Variants in NRXN3 observed in about 807,000 individuals in gnomAD.
The protein encoded by NRXN3 is neurexin III.
Under a neutral mutation model 137.6 loss-of-function variants are expected in NRXN3, and 32 were observed. The observed-to-expected ratio is 0.23, with a 90% CI of 0.18 to 0.31. The LOEUF (loss-of-function observed/expected upper bound fraction) is 0.31. NRXN3 is among the 10% of genes least tolerant of loss of function. The probability of loss-of-function intolerance (pLI) is 1.00; values close to 1 mark genes in which losing one functional copy is unlikely to be tolerated. For missense variants in NRXN3, 1,574 were observed against 2,062.5 expected (o/e 0.76, Z 4.59); for synonymous variants, 798 against 784.5 (o/e 1.02, Z -0.29).
At chr14:79,505,598 G>A (rs2096870601) in intron 16 of NRXN3, among the ~76,000 whole-genome samples, 1 of 152,168 alleles carries the variant, frequency 6.6e-6, no homozygotes, top group Admixed American at 6.5e-5. Flanking sequence ...AGAGGAAATG[G>A]TTATACTGGA....
intron 15 of NRXN3, among the ~76,000 whole-genome samples, chr14:79,105,229 C>T (rs1189963698): frequency 6.6e-6 from 1 of 152,036 alleles, no homozygotes; most frequent in Non-Finnish European, 1.5e-5. Flanking sequence ...TCAATAGTAT[C>T]GTTTTCATTT....
chr14:79,515,507 A>G (rs1477993111), intron 16 of NRXN3, among the ~76,000 whole-genome samples: 2 of 150,136 alleles, frequency 1.3e-5, no homozygotes, highest in South Asian at 2.1e-4. Context: ...GGCGACTAGA[A>G]CTTTAGCAAA....
chr14:79,141,158 G>C (rs2058751336), intron 15 of NRXN3, among the ~76,000 whole-genome samples: 2 of 152,156 alleles, frequency 1.3e-5, no homozygotes, highest in African/African-American at 2.4e-5. Context: ...GTTGGGCGTA[G>C]TAATAAATGA....
chr14:79,103,901 A>G (rs2051840139), intron 15 of NRXN3, among the ~76,000 whole-genome samples: 2 of 152,178 alleles, frequency 1.3e-5, no homozygotes, highest in South Asian at 4.1e-4. Context: ...ACCAACACAC[A>G]TGTGCAAATC....
At chr14:78,923,558 G>T (rs1278328868) in intron 10 of NRXN3, among the ~76,000 whole-genome samples, 3 of 152,188 alleles carry the variant, frequency 2.0e-5, no homozygotes, top group Non-Finnish European at 4.4e-5. Context: ...GGTTCACAAA[G>T]ATGCCATTCT....
chr14:78,202,294 A>G (rs1420597020), intron 1 of NRXN3, among the ~76,000 whole-genome samples: 1 of 152,240 alleles, frequency 6.6e-6, no homozygotes, highest in Non-Finnish European at 1.5e-5. Context: ...CAGAATTTTT[A>G]AAGTAAAAAG....
chr14:78,622,008 A>G (rs1480435453), intron 4 of NRXN3, among the ~76,000 whole-genome samples: 1 of 152,160 alleles, frequency 6.6e-6, no homozygotes. Context: ...TATGCTTACT[A>G]CCTGTTAGTG....
At chr14:78,514,651 C>T (rs1238956202) in intron 4 of NRXN3, among the ~76,000 whole-genome samples, 3 of 152,092 alleles carry the variant, frequency 2.0e-5, no homozygotes, top group African/African-American at 7.2e-5. Context: ...AAGGTTCTTT[C>T]CCTCATGCTG....
chr14:78,776,026 A>G lies in NRXN3; in HGVS notation c.2045-27594A>G, dbSNP rs150535001. Among the ~76,000 whole-genome samples the G allele has an allele frequency of 2.2e-3, 336 of 152,360 alleles. 2 individuals carry two copies. The highest frequency in any genetic ancestry group is 7.7e-3 in the African/African-American group (320 of 41,590). ...TGTGTTAACCTTTGGGGATTCACCAAGAACCAATGTTATATATGATCCAAG... is the reference window on the plus strand; with the variant it reads ...TGTGTTAACCTTTGGGGATTCACCAGGAACCAATGTTATATATGATCCAAG... On this transcript the variant is annotated intron_variant, in intron 8 of 20. Transcript: ENST00000335750.
At chr14:79,207,106 A>G (rs550767153) in intron 15 of NRXN3, among the ~76,000 whole-genome samples, 1 of 152,266 alleles carries the variant, frequency 6.6e-6, no homozygotes, top group South Asian at 2.1e-4. Context: ...GTGAGTTTTG[A>G]AAGTATTTTC....
chr14:79,025,949 C>A (rs1442697741), intron 15 of NRXN3, among the ~76,000 whole-genome samples: 1 of 152,082 alleles, frequency 6.6e-6, no homozygotes, highest in African/African-American at 2.4e-5. Context: ...CTCTTAGTCA[C>A]AGTATAGTTG....
chr14:79,077,350 A>G (rs1040507208), intron 15 of NRXN3, among the ~76,000 whole-genome samples: 3 of 152,176 alleles, frequency 2.0e-5, no homozygotes, highest in Admixed American at 1.3e-4. Flanking sequence ...GCACTGGGGA[A>G]GTGTCCACAC....
intron 15 of NRXN3, among the ~76,000 whole-genome samples, chr14:79,322,114 T>C (rs1264596502): frequency 2.0e-5 from 3 of 152,176 alleles, no homozygotes; most frequent in Admixed American, 2.0e-4. Flanking sequence ...ATGTATGATA[T>C]ATGACTTTAA....
At chr14:78,701,342 T>G (rs569952631) in intron 6 of NRXN3, among the ~76,000 whole-genome samples, 1 of 152,358 alleles carries the variant, frequency 6.6e-6, no homozygotes, top group East Asian at 1.9e-4. Flanking sequence ...TACGCTTAAC[T>G]TGAGCACCGG....
intron 16 of NRXN3, among the ~76,000 whole-genome samples, chr14:79,593,300 G>A (rs893489447): frequency 2.0e-5 from 3 of 152,046 alleles, no homozygotes; most frequent in East Asian, 1.9e-4. Context: ...ATTTTAGAAC[G>A]TATTTGTATA....
intron 1 of NRXN3, among the ~76,000 whole-genome samples, chr14:78,222,762 TTC>T (rs2064001318): frequency 6.6e-6 from 1 of 152,148 alleles, no homozygotes. Context: ...CCTACACTTT[TTC>T]TCTTTGCAGA....
chr14:79,149,961 A>G (rs1238991597), intron 15 of NRXN3, among the ~76,000 whole-genome samples: 1 of 152,048 alleles, frequency 6.6e-6, no homozygotes, highest in African/African-American at 2.4e-5. Flanking sequence ...GCACACGTTC[A>G]CCTGTGTAAC....
At chr14:78,173,291 C>A (rs1161171594) in intron 1 of NRXN3, among the ~76,000 whole-genome samples, 2 of 151,440 alleles carry the variant, frequency 1.3e-5, no homozygotes, top group Non-Finnish European at 2.9e-5. Context: ...TTCAATTGGC[C>A]TTTTAGAGAA....
chr14:78,362,834 GT>G (rs747232140), intron 4 of NRXN3, among the ~76,000 whole-genome samples: 78 of 152,282 alleles, frequency 5.1e-4, no homozygotes, highest in Non-Finnish European at 9.3e-4. Context: ...AAGGATTGTG[GT>G]AGTGGGGGAT....
Sources: allele counts gnomAD v4.1 joint callset (sites outside exome capture counted in the v4.1 genomes callset), GRCh38; gene constraint gnomAD v4.1.1; transcripts MANE v1.5; gene names NCBI Gene and HGNC (gene_info 2026-07-23, HGNC 2026-07-21).